PATJ: variants seen among roughly 807,000 people sequenced by gnomAD.
PATJ encodes the protein PATJ crumbs cell polarity complex component.
PATJ carries 190 observed loss-of-function variants against 224.9 expected under a neutral mutation model. The observed-to-expected ratio is 0.84, with a 90% CI of 0.75 to 0.95. The LOEUF (loss-of-function observed/expected upper bound fraction) is 0.95, where lower values mean the gene tolerates loss of function less well. Among genes scored for constraint, PATJ ranks in the 40% least tolerant of loss-of-function variants. The pLI is 0.00. For synonymous variants in PATJ, 769 were observed against 820.3 expected, an observed-to-expected ratio of 0.94 and a Z score of 1.07; for missense variants, 2,121 against 2,270.3, an observed-to-expected ratio of 0.93 and a Z score of 1.34.
At position 61,891,259 on chromosome 1, in the gene PATJ, G is replaced by A. The variant is rs145190374; in HGVS notation, c.3131+6851G>A. Among the ~76,000 whole-genome samples, 169 of 152,274 alleles carry A rather than the reference G, an allele frequency of 1.1e-3. 1 individual carries two copies. The highest frequency in any genetic ancestry group is 2.2e-3 in the Non-Finnish European group (150 of 68,034). On this transcript the variant is annotated intron_variant, in intron 22 of 43. Transcript: ENST00000642238. ...AAATAGGAGGCTAGGTGTCATAGTT[G>A]GGTAAAGGATTAACTAAGTTAACGT...
intron 31 of PATJ, among the ~76,000 whole-genome samples, chr1:62,067,317 C>T (rs1008584079): frequency 6.6e-6 from 1 of 151,368 alleles, no homozygotes; most frequent in African/African-American, 2.4e-5. Flanking sequence ...TTAGTAGAGA[C>T]AGGGTTTCAC....
At chr1:62,134,202 G>T (rs6685401) in intron 41 of PATJ, among the ~76,000 whole-genome samples, 1 of 142,602 alleles carries the variant, frequency 7.0e-6, no homozygotes, top group African/African-American at 2.7e-5. Flanking sequence ...CCGTACTCTC[G>T]TCTTTTTTTT....
chr1:62,068,140 G>T (rs1321668651), intron 31 of PATJ, among the ~76,000 whole-genome samples: 1 of 152,132 alleles, frequency 6.6e-6, no homozygotes, highest in African/African-American at 2.4e-5. Context: ...CCTTCAGTTG[G>T]CTCCCTTGCA....
intron 17 of PATJ, among the ~76,000 whole-genome samples, chr1:61,847,252 G>A (rs2788615): frequency 0.55 from 84,095 of 152,088 alleles, 24,192 homozygotes; most frequent in East Asian, 0.83. Flanking sequence ...GGTTTTTAAA[G>A]TACTAAGCTT....
intron 7 of PATJ, among the ~76,000 whole-genome samples, chr1:61,784,982 T>C (rs1286934925): frequency 6.6e-6 from 1 of 152,264 alleles, no homozygotes; most frequent in Non-Finnish European, 1.5e-5. Context: ...TAGTGGCTTC[T>C]GCAGCATTTA....
At chr1:62,087,994 C>T (rs967719172) in intron 33 of PATJ, among the ~76,000 whole-genome samples, 25 of 151,556 alleles carry the variant, frequency 1.6e-4, no homozygotes, top group Admixed American at 3.9e-4. Flanking sequence ...CGGGTTCAAG[C>T]GATTCTCCTG....
intron 27 of PATJ, among the ~76,000 whole-genome samples, chr1:61,962,402 T>C (rs1468102385): frequency 6.6e-6 from 1 of 152,234 alleles, no homozygotes; most frequent in Non-Finnish European, 1.5e-5. Context: ...CTCGATATTT[T>C]TTCCTTCTTG....
intron 16 of PATJ, among the ~76,000 whole-genome samples, chr1:61,828,969 T>G (rs532063849): frequency 6.6e-6 from 1 of 152,336 alleles, no homozygotes; most frequent in South Asian, 2.1e-4. Flanking sequence ...CATGAGTTTG[T>G]GCAAGAAGGA....
At chr1:61,877,286 A>G (rs1667465285) in intron 21 of PATJ, among the ~76,000 whole-genome samples, 2 of 149,394 alleles carry the variant, frequency 1.3e-5, no homozygotes, top group Admixed American at 1.3e-4. Flanking sequence ...GCTAAGTTGT[A>G]TAGTAACCCG....
intron 9 of PATJ, among the ~76,000 whole-genome samples, chr1:61,791,865 AT>A: frequency 6.6e-6 from 1 of 152,268 alleles, no homozygotes; most frequent in Non-Finnish European, 1.5e-5. Flanking sequence ...AAGCATTTTC[AT>A]TAGAACTATT....
intron 14 of PATJ, among the ~76,000 whole-genome samples, chr1:61,822,429 G>GAAAAAAAA (rs11427840): frequency 6.0e-5 from 7 of 116,460 alleles, no homozygotes; most frequent in East Asian, 2.4e-4. Context: ...GACTGTGTCA[G>GAAAAAAAA]AAAAAAAAAA....
chr1:62,068,629 G>A (rs916992406), intron 31 of PATJ, among the ~76,000 whole-genome samples: 1 of 152,214 alleles, frequency 6.6e-6, no homozygotes, highest in Non-Finnish European at 1.5e-5. Context: ...CATTTTGATT[G>A]TCCAGCTTTG....
intron 1 of PATJ, among the ~76,000 whole-genome samples, chr1:61,743,507 A>T (rs1238073879): frequency 1.3e-5 from 2 of 152,174 alleles, no homozygotes; most frequent in Non-Finnish European, 2.9e-5. Context: ...GGTGCGCGAC[A>T]AGTGTTTCTT....
At chr1:61,864,722 G>T (rs1381239406) in intron 20 of PATJ, 89 bp downstream of exon 20, 118 of 1,218,036 alleles carry the variant, frequency 9.7e-5, no homozygotes, top group Non-Finnish European at 1.2e-4. Context: ...AATGTTGTTT[G>T]TTTTTAAATG....
rs1377441190 is a variant in PATJ, at chr1:62,148,305, A to T, written c.5293A>T (p.Ser1765Cys). 6.2e-7 allele frequency: 1 copy of T among 1,613,744 alleles called. No individual in the cohort carries two copies. Among genetic ancestry groups the T allele is most frequent in the South Asian group, 1.1e-5 (1 of 91,070 alleles). ...CCAGGTTGTAGCAGATACCAATATAAGCGCCATAGCAGCTCAGCTTGAAAA... is the reference window on the plus strand; with the variant it reads ...CCAGGTTGTAGCAGATACCAATATATGCGCCATAGCAGCTCAGCTTGAAAA... ...ILQVVADTNI[S>C]AIAAQLENMS... The change falls in exon 42 of 44, where the codon AGC (serine) becomes TGC (cysteine). Residue 1765 changes from serine to cysteine, a missense_variant. Coordinates refer to ENST00000642238, the MANE Select transcript of PATJ (RefSeq NM_001350145.3).
intron 27 of PATJ, among the ~76,000 whole-genome samples, chr1:61,930,417 T>C (rs989234026): frequency 6.6e-6 from 1 of 152,226 alleles, no homozygotes; most frequent in African/African-American, 2.4e-5. Flanking sequence ...TATCAGATTC[T>C]TGTCCGAAGA....
At chr1:61,901,257 A>G (rs1435404175) in intron 23 of PATJ, 25 bp from the exon 24 acceptor site, 2 of 1,448,128 alleles carry the variant, frequency 1.4e-6, no homozygotes, top group Non-Finnish European at 1.8e-6. Context: ...TTGATGAGTG[A>G]GTTTTGTTTT....
intron 35 of PATJ, among the ~76,000 whole-genome samples, chr1:62,115,566 G>A (rs965891509): frequency 6.7e-6 from 1 of 150,208 alleles, no homozygotes; most frequent in Non-Finnish European, 1.5e-5. Flanking sequence ...AATTGGAAAG[G>A]TAAGTAATAG....
intron 21 of PATJ, among the ~76,000 whole-genome samples, chr1:61,882,064 A>G (rs150236075): frequency 2.0e-5 from 3 of 152,324 alleles, no homozygotes; most frequent in Non-Finnish European, 4.4e-5. Flanking sequence ...CTTTCTGTAT[A>G]AGAGTGCTGC....
Sources: gnomAD v4.1 joint callset for allele counts (sites outside exome capture counted in the v4.1 genomes callset) on GRCh38, gnomAD v4.1.1 for gene constraint, MANE v1.5 for transcripts, NCBI Gene and HGNC (gene_info 2026-07-23, HGNC 2026-07-21) for gene names.